CSGALNACT1: variants seen among roughly 807,000 people sequenced by gnomAD.
CSGALNACT1 encodes beta4GalNAcT-1.
Under a neutral mutation model 51.0 loss-of-function variants are expected in CSGALNACT1, and 52 were observed. That is an observed-to-expected ratio of 1.02 (90% CI 0.82 to 1.29). The LOEUF is 1.29. CSGALNACT1 is among the 50% of genes most tolerant of loss of function. The probability of loss-of-function intolerance (pLI) is 0.00; values close to 1 mark genes in which losing one functional copy is unlikely to be tolerated. For missense variants in CSGALNACT1, 935 were observed against 679.2 expected (o/e 1.38, Z -4.19); for synonymous variants, 341 against 254.4 (o/e 1.34, Z -3.24).
Position 19,422,999 on chromosome 8 carries a change from A to C in CSGALNACT1, c.954-2481T>G, listed in dbSNP as rs536593685. On this transcript the variant is annotated intron_variant, in intron 6 of 9. Coordinates refer to ENST00000454498, the Ensembl canonical transcript of CSGALNACT1. ...CTCTTCCTCCCCATTATACAGGGATATCTTCTAACTTTCAGAGCACAAACA... is the reference window on the plus strand; with the variant it reads ...CTCTTCCTCCCCATTATACAGGGATCTCTTCTAACTTTCAGAGCACAAACA... 2.6e-5 allele frequency among the ~76,000 whole-genome samples: 4 copies of C among 152,294 alleles called. No homozygotes were observed. The South Asian group carries it at 8.3e-4, about 32-fold the overall frequency.
chr8:19,703,613 T>G lies in CSGALNACT1; in HGVS notation c.-297+54237A>C, dbSNP rs1027932592. On this transcript the variant is annotated intron_variant, in intron 1 of 1. Coordinates refer to the CSGALNACT1 transcript ENST00000517494. ...TGAGCCACCATGCCCAGCCCTCTCT[T>G]TGTTTTTAGTGCTCCTCAGACCTTC... 4.2e-4 allele frequency among the ~76,000 whole-genome samples: 64 copies of G among 152,274 alleles called. 1 individual carries two copies. Among genetic ancestry groups the G allele is most frequent in the African/African-American group, 1.5e-3 (62 of 41,568 alleles).
At chr8:19,423,302 A>G (rs1050337845) in intron 6 of CSGALNACT1, among the ~76,000 whole-genome samples, 7 of 152,252 alleles carry the variant, frequency 4.6e-5, no homozygotes, top group African/African-American at 1.7e-4. Context: ...GAGTAATTAA[A>G]TAAGAATACA....
intron 6 of CSGALNACT1, among the ~76,000 whole-genome samples, chr8:19,436,321 A>AG (rs2060370269): frequency 6.6e-6 from 1 of 152,144 alleles, no homozygotes; most frequent in African/African-American, 2.4e-5. Flanking sequence ...TAGAGTGAAC[A>AG]GGTGGTGGTA....
intron 6 of CSGALNACT1, among the ~76,000 whole-genome samples, chr8:19,432,226 G>A (rs2059752290): frequency 6.6e-6 from 1 of 152,144 alleles, no homozygotes; most frequent in Non-Finnish European, 1.5e-5. Context: ...GAATGGTTTT[G>A]CTGATAACAG....
intron 6 of CSGALNACT1, among the ~76,000 whole-genome samples, chr8:19,432,571 G>C (rs553556477): frequency 6.6e-6 from 1 of 152,030 alleles, no homozygotes; most frequent in Non-Finnish European, 1.5e-5. Context: ...TTGTATGCTT[G>C]ATGGTATCCC....
At chr8:19,723,323 T>C (rs1171405323) in intron 1 of CSGALNACT1, among the ~76,000 whole-genome samples, 1 of 152,228 alleles carries the variant, frequency 6.6e-6, no homozygotes, top group Non-Finnish European at 1.5e-5. Context: ...GAAAGACAAG[T>C]GGGCCGTAAT....
At position 19,719,819 on chromosome 8, in the gene CSGALNACT1, C is replaced by T. The variant is rs1256927038; in HGVS notation, c.-297+38031G>A. On this transcript the variant is annotated intron_variant, in intron 1 of 1. Coordinates refer to the CSGALNACT1 transcript ENST00000517494. ...TGCTCCAGGCAGCCATACATTCTTC[C>T]TCATGAGAAAACAACAATGAAAAAA... 1.3e-5 allele frequency among the ~76,000 whole-genome samples: 2 copies of T among 152,184 alleles called. 1 individual carries two copies. The highest frequency in any genetic ancestry group is 1.3e-4 in the Admixed American group (2 of 15,280).
chr8:19,562,597 C>G (rs1257392765), intron 3 of CSGALNACT1, among the ~76,000 whole-genome samples: 1 of 151,514 alleles, frequency 6.6e-6, no homozygotes, highest in East Asian at 1.9e-4. Flanking sequence ...AACAAATTTA[C>G]AACAAAAAAA....
chr8:19,655,292 A>G (rs767851183), intron 1 of CSGALNACT1, among the ~76,000 whole-genome samples: 11 of 152,124 alleles, frequency 7.2e-5, no homozygotes, highest in Non-Finnish European at 1.6e-4. Context: ...CACTCAAGAG[A>G]AGGCTCTTAC....
At chr8:19,562,815 C>T (rs1208613169) in intron 3 of CSGALNACT1, among the ~76,000 whole-genome samples, 2 of 152,172 alleles carry the variant, frequency 1.3e-5, no homozygotes, top group Non-Finnish European at 2.9e-5. Flanking sequence ...CAGGAACGCT[C>T]TTACACTGGT....
At chr8:19,441,822 T>A (rs1382023730) in intron 5 of CSGALNACT1, among the ~76,000 whole-genome samples, 6 of 152,192 alleles carry the variant, frequency 3.9e-5, no homozygotes, top group African/African-American at 1.2e-4. Flanking sequence ...CCTACTCATC[T>A]GACAAAGGGC....
intron 6 of CSGALNACT1, among the ~76,000 whole-genome samples, chr8:19,428,372 C>T (rs946778328): frequency 5.9e-5 from 9 of 152,140 alleles, no homozygotes; most frequent in South Asian, 2.1e-4. Context: ...TCACATCTTA[C>T]GTGGCGGCAG....
chr8:19,636,196 T>TAG lies in CSGALNACT1; in HGVS notation c.-543-34333_-543-34332dup, dbSNP rs1000706207. 4.2e-3 allele frequency among the ~76,000 whole-genome samples: 642 copies of TAG among 152,164 alleles called. 6 individuals carry two copies. Among genetic ancestry groups the TAG allele is most frequent in the African/African-American group, 0.015 (619 of 41,500 alleles). ...ATACAATAAGGTATTTTGAGAGAGT[T>TAG]AGAGAGAGAGAGATCAGTTTCACGT... is the stretch of plus-strand genomic sequence containing the variant. On this transcript the variant is annotated intron_variant, in intron 1 of 9. Coordinates refer to the CSGALNACT1 transcript ENST00000332246.
chr8:19,529,622 G>A (rs2082348231), intron 3 of CSGALNACT1, among the ~76,000 whole-genome samples: 1 of 152,098 alleles, frequency 6.6e-6, no homozygotes. Flanking sequence ...AAGTGGTAAG[G>A]GAAAATGTGT....
chr8:19,454,594 C>A (rs1313472507), intron 5 of CSGALNACT1, among the ~76,000 whole-genome samples: 2 of 152,142 alleles, frequency 1.3e-5, no homozygotes, highest in Non-Finnish European at 2.9e-5. Flanking sequence ...TCGCTTGAAC[C>A]TGGGAGATGG....
chr8:19,456,433 T>C (rs2064116099), intron 5 of CSGALNACT1, among the ~76,000 whole-genome samples: 1 of 152,224 alleles, frequency 6.6e-6, no homozygotes, highest in Non-Finnish European at 1.5e-5. Flanking sequence ...GTCCTAGAAA[T>C]GGGCATTCTA....
At chr8:19,406,045 C>A in exon 10 of CSGALNACT1, 1 of 1,614,184 alleles carries the variant, frequency 6.2e-7, no homozygotes. Context: ...TCCGCCCCAG[C>A]CTTTGATGTC....
chr8:19,585,127 G>C (rs765866506), intron 3 of CSGALNACT1: 16 of 152,184 alleles, frequency 1.1e-4, no homozygotes, highest in Non-Finnish European at 1.6e-4. Flanking sequence ...ACGTAAAATA[G>C]ATTACATAGT....
intron 4 of CSGALNACT1, among the ~76,000 whole-genome samples, chr8:19,471,457 G>C (rs147760612): frequency 8.0e-4 from 121 of 151,750 alleles, no homozygotes; most frequent in African/African-American, 2.9e-3. Context: ...TGTTCCTTTC[G>C]TTCCTGTTCT....
Sources: allele counts gnomAD v4.1 joint callset (sites outside exome capture counted in the v4.1 genomes callset), GRCh38; gene constraint gnomAD v4.1.1; transcripts MANE v1.5; gene names NCBI Gene and HGNC (gene_info 2026-07-23, HGNC 2026-07-21).